Variants in SH3YL1 observed in about 807,000 individuals in gnomAD.
The protein encoded by SH3YL1 is SH3 domain-containing YSC84-like protein 1.
A neutral mutation model predicts 45.8 loss-of-function variants in SH3YL1; 41 were observed. The ratio of observed to expected loss-of-function variants is 0.89; its 90% CI spans 0.70 to 1.16. SH3YL1 has a LOEUF of 1.16. SH3YL1 is among the 50% of genes most tolerant of loss of function. The probability of loss-of-function intolerance (pLI) is 0.00; values close to 1 mark genes in which losing one functional copy is unlikely to be tolerated. For missense variants in SH3YL1, 389 were observed against 409.6 expected, an observed-to-expected ratio of 0.95 and a Z score of 0.43; for synonymous variants, 152 against 151.4, an observed-to-expected ratio of 1.00 and a Z score of -0.03.
At chr2:264,320 G>C, upstream of SH3YL1, 1 of 318,792 alleles carries the variant, frequency 3.1e-6, no homozygotes, top group African/African-American at 2.1e-5. Context: ...GGACCCCGCG[G>C]GGCTCAAGGC....
chr2:240,977 C>A (rs534189286), intron 4 of SH3YL1: 1 of 151,988 alleles, frequency 6.6e-6, no homozygotes, highest in East Asian at 1.9e-4. Flanking sequence ...TGATTCTCAA[C>A]CAAAAATAAT....
At chr2:243,712 A>C in intron 4 of SH3YL1, 2 of 869,198 alleles carry the variant, frequency 2.3e-6, no homozygotes, top group Non-Finnish European at 3.4e-6. Context: ...CCGGAAGAAC[A>C]TTTGCTCAGT....
intron 1 of SH3YL1, among the ~76,000 whole-genome samples, chr2:261,797 T>C (rs1473245691): frequency 2.0e-5 from 3 of 152,190 alleles, no homozygotes; most frequent in African/African-American, 7.2e-5. Flanking sequence ...CTCCACCACT[T>C]TCCTTACCAG....
chr2:227,650 A>T (rs1356518792), intron 8 of SH3YL1, among the ~76,000 whole-genome samples: 2 of 152,206 alleles, frequency 1.3e-5, no homozygotes, highest in African/African-American at 4.8e-5. Flanking sequence ...TATTCTGGCC[A>T]TGTTTATGTA....
At chr2:227,996 A>C (rs1161233398) in intron 8 of SH3YL1, among the ~76,000 whole-genome samples, 2 of 152,220 alleles carry the variant, frequency 1.3e-5, no homozygotes, top group Non-Finnish European at 2.9e-5. Context: ...CATTAAAAGT[A>C]GTCACTAGTT....
chr2:238,958 G>A lies in SH3YL1; in HGVS notation c.292-4686C>T, dbSNP rs562404486. On this transcript the variant is annotated intron_variant, in intron 4 of 9. Coordinates refer to ENST00000356150, the MANE Select transcript of SH3YL1 (RefSeq NM_015677.4). Reference sequence around the variant, plus strand: ...TGTAGAATCTGGGAGTCTAAAGGTTGAGATTGTCGAACATAAATTAACCCC... The same window carrying A: ...TGTAGAATCTGGGAGTCTAAAGGTTAAGATTGTCGAACATAAATTAACCCC... Among the ~76,000 whole-genome samples the A allele has an allele frequency of 2.6e-5, 4 of 152,290 alleles. 1 individual carries two copies. In the South Asian group the frequency reaches 8.3e-4, roughly 32 times the overall value.
intron 6 of SH3YL1, among the ~76,000 whole-genome samples, chr2:232,549 C>G (rs1191446844): frequency 6.6e-6 from 1 of 151,910 alleles, no homozygotes; most frequent in Admixed American, 6.6e-5. Flanking sequence ...CCCATCAACT[C>G]GTCATCTACA....
chr2:236,790 T>C (rs926610452), intron 4 of SH3YL1, among the ~76,000 whole-genome samples: 9 of 152,206 alleles, frequency 5.9e-5, no homozygotes, highest in Non-Finnish European at 1.3e-4. Context: ...AAAAATCCTG[T>C]TATAACCAAA....
chr2:245,161 C>T (rs958477780), intron 4 of SH3YL1, among the ~76,000 whole-genome samples: 3 of 152,038 alleles, frequency 2.0e-5, no homozygotes, highest in East Asian at 1.9e-4. Context: ...GAAAAATAGC[C>T]GACTGCTGTG....
intron 1 of SH3YL1, chr2:263,602 G>A: frequency 5.0e-6 from 1 of 200,388 alleles, no homozygotes; most frequent in East Asian, 1.2e-4. Context: ...CCCCGCGCCT[G>A]CCGCGGGTTC....
At chr2:223,470 T>C (rs952262260) in intron 9 of SH3YL1, among the ~76,000 whole-genome samples, 1 of 152,182 alleles carries the variant, frequency 6.6e-6, no homozygotes, top group African/African-American at 2.4e-5. Flanking sequence ...AGGAGCACTT[T>C]AACAACCAGA....
intron 4 of SH3YL1, chr2:242,777 A>G: frequency 6.5e-7 from 1 of 1,536,754 alleles, no homozygotes; most frequent in South Asian, 1.2e-5. Context: ...CATAGGAGAC[A>G]CGCTTTAGAT....
chr2:235,453 GCAA>G (rs1458510027), intron 4 of SH3YL1, among the ~76,000 whole-genome samples: 591 of 49,518 alleles, frequency 0.012, 1 homozygote, highest in Non-Finnish European at 0.016. Context: ...GCCAGGGGAG[GCAA>G]CAGCATGGGC....
chr2:235,354 G>GGGA (rs1558239651), intron 4 of SH3YL1, among the ~76,000 whole-genome samples: 1 of 148,558 alleles, frequency 6.7e-6, no homozygotes, highest in African/African-American at 2.5e-5. Flanking sequence ...GGTCAGGGGA[G>GGGA]GCAGCATGGG....
chr2:221,879 G>GC (rs1667593754), intron 9 of SH3YL1, among the ~76,000 whole-genome samples: 1 of 152,064 alleles, frequency 6.6e-6, no homozygotes, highest in Admixed American at 6.5e-5. Context: ...TGCCCTGTTA[G>GC]TTTTTTTCTT....
chr2:224,241 G>A (rs1409890870), intron 9 of SH3YL1, among the ~76,000 whole-genome samples: 2 of 152,130 alleles, frequency 1.3e-5, no homozygotes, highest in Non-Finnish European at 1.5e-5. Context: ...GGAAACCTCT[G>A]AAGAATATTT....
intron 4 of SH3YL1, among the ~76,000 whole-genome samples, chr2:244,201 T>TAA (rs35001894): frequency 4.7e-4 from 70 of 147,398 alleles, no homozygotes; most frequent in East Asian, 1.4e-3. Context: ...ACAAGTTTTG[T>TAA]AAAAAAAAAA....
At chr2:255,242 A>G (rs956959898) in intron 1 of SH3YL1, among the ~76,000 whole-genome samples, 9 of 152,264 alleles carry the variant, frequency 5.9e-5, no homozygotes, top group African/African-American at 1.9e-4. Flanking sequence ...TCTTTTATTC[A>G]GCAAAATATA....
chr2:244,356 C>T (rs568582031), intron 4 of SH3YL1, among the ~76,000 whole-genome samples: 10 of 151,934 alleles, frequency 6.6e-5, no homozygotes, highest in Non-Finnish European at 1.3e-4. Flanking sequence ...ATTAGCCGAG[C>T]ATGGTGGCGG....
Sources: allele counts gnomAD v4.1 joint callset (sites outside exome capture counted in the v4.1 genomes callset), GRCh38; gene constraint gnomAD v4.1.1; transcripts MANE v1.5; gene names NCBI Gene and HGNC (gene_info 2026-07-23, HGNC 2026-07-21).